Variants in ELP4 observed in about 807,000 individuals in gnomAD.
ELP4 encodes elongator acetyltransferase complex subunit 4.
A neutral mutation model predicts 48.9 loss-of-function variants in ELP4; 51 were observed. The ratio of observed to expected loss-of-function variants is 1.04; its 90% CI spans 0.83 to 1.32. The LOEUF (loss-of-function observed/expected upper bound fraction) is 1.32, where lower values mean the gene tolerates loss of function less well. Ranked by LOEUF, ELP4 falls within the 40% of genes most tolerant of loss-of-function variation. ELP4 has a pLI of 0.00. For missense variants in ELP4, 519 were observed against 514.6 expected (o/e 1.01, Z -0.08); for synonymous variants, 210 against 189.2 (o/e 1.11, Z -0.90).
intron 7 of ELP4, chr11:31,647,465 T>C: frequency 3.7e-6 from 1 of 267,606 alleles, no homozygotes; most frequent in East Asian, 8.0e-5. Context: ...CAATTTATGT[T>C]CTCTATCAGA....
chr11:31,685,220 G>T (rs1483142100), intron 9 of ELP4, among the ~76,000 whole-genome samples: 1 of 151,914 alleles, frequency 6.6e-6, no homozygotes, highest in Non-Finnish European at 1.5e-5. Flanking sequence ...GCGTGGTAGT[G>T]GGCGCCTGTA....
intron 3 of ELP4, among the ~76,000 whole-genome samples, chr11:31,541,689 A>C (rs1255533946): frequency 1.3e-5 from 2 of 152,240 alleles, no homozygotes; most frequent in Admixed American, 6.5e-5. Flanking sequence ...TTTGCTTTAG[A>C]GAACACATTA....
At chr11:31,702,262 C>T (rs947425010) in intron 9 of ELP4, among the ~76,000 whole-genome samples, 1 of 151,890 alleles carries the variant, frequency 6.6e-6, no homozygotes, top group African/African-American at 2.4e-5. Flanking sequence ...GTAATTGGGC[C>T]ACTGCACTCC....
intron 1 of ELP4, among the ~76,000 whole-genome samples, chr11:31,519,002 A>G (rs1956166408): frequency 6.6e-6 from 1 of 151,954 alleles, no homozygotes; most frequent in Admixed American, 6.6e-5. Flanking sequence ...TTTAGTACAG[A>G]CAGGGTTTCA....
intron 3 of ELP4, among the ~76,000 whole-genome samples, chr11:31,574,447 G>C (rs931023258): frequency 1.3e-5 from 2 of 152,198 alleles, no homozygotes; most frequent in African/African-American, 4.8e-5. Flanking sequence ...CGTTCTCCCA[G>C]CATAGAGTTT....
At chr11:31,777,088 A>G (rs1384504296) in intron 9 of ELP4, among the ~76,000 whole-genome samples, 1 of 152,174 alleles carries the variant, frequency 6.6e-6, no homozygotes, top group Non-Finnish European at 1.5e-5. Flanking sequence ...ACAATATAAT[A>G]TTACATTGTA....
chr11:31,563,564 G>T (rs1313409198), intron 3 of ELP4, among the ~76,000 whole-genome samples: 1 of 152,050 alleles, frequency 6.6e-6, no homozygotes, highest in Non-Finnish European at 1.5e-5. Context: ...TTTTATATGG[G>T]AATTTTATAA....
At chr11:31,617,309 A>T (rs1444749872) in intron 5 of ELP4, among the ~76,000 whole-genome samples, 1 of 152,168 alleles carries the variant, frequency 6.6e-6, no homozygotes, top group Admixed American at 6.6e-5. Flanking sequence ...TTGACATTGT[A>T]CTAAGTGAAA....
chr11:31,769,690 T>C (rs1385295902), intron 9 of ELP4, among the ~76,000 whole-genome samples: 1 of 152,166 alleles, frequency 6.6e-6, no homozygotes, highest in Non-Finnish European at 1.5e-5. Flanking sequence ...GCTTTCAGAT[T>C]ATAGTAAGAA....
At chr11:31,643,525 A>G (rs1945141746) in intron 7 of ELP4, among the ~76,000 whole-genome samples, 1 of 151,862 alleles carries the variant, frequency 6.6e-6, no homozygotes, top group Non-Finnish European at 1.5e-5. Flanking sequence ...ATAAGGAAAT[A>G]TTGAGGGTTT....
At chr11:31,517,573 T>A (rs1466458229) in intron 1 of ELP4, among the ~76,000 whole-genome samples, 1 of 152,154 alleles carries the variant, frequency 6.6e-6, no homozygotes, top group Non-Finnish European at 1.5e-5. Context: ...CAGATTTGTA[T>A]ACAAAAAACA....
At chr11:31,547,234 G>A (rs374041585) in intron 3 of ELP4, among the ~76,000 whole-genome samples, 28 of 152,014 alleles carry the variant, frequency 1.8e-4, no homozygotes, top group Middle Eastern at 3.2e-3. Context: ...TTGATAGACT[G>A]CTAGCAAGAC....
intron 7 of ELP4, among the ~76,000 whole-genome samples, chr11:31,639,754 G>A (rs1472253748): frequency 6.6e-6 from 1 of 151,738 alleles, no homozygotes; most frequent in Non-Finnish European, 1.5e-5. Context: ...AGAGAAGTAC[G>A]ATTCAGAAAC....
rs745522128 is a variant in ELP4, at chr11:31,603,885, T to C, written c.631T>C (p.Ser211Pro). 1.2e-6 allele frequency: 2 copies of C among 1,611,688 alleles called. No individual in the cohort carries two copies. Among genetic ancestry groups the C allele is most frequent in the Admixed American group, 3.3e-5 (2 of 59,930 alleles). ...HGFFLPEKIS[S>P]TLKVEPCSLT... Reference sequence around the variant, plus strand: ...ATTTTTTCTTCCAGAGAAAATATCTTCAACTCTCAAAGTAGAACCCTGGTA... The same window carrying C: ...ATTTTTTCTTCCAGAGAAAATATCTCCAACTCTCAAAGTAGAACCCTGGTA... The change falls in exon 5 of 10, where the codon TCA becomes CCA. Residue 211 changes from serine to proline, a missense_variant. Transcript: ENST00000640961.
intron 9 of ELP4, among the ~76,000 whole-genome samples, chr11:31,750,316 A>G (rs1427234217): frequency 6.6e-6 from 1 of 152,180 alleles, no homozygotes; most frequent in Non-Finnish European, 1.5e-5. Flanking sequence ...CATAGCTCTC[A>G]AGAGTTGTGG....
intron 2 of ELP4, among the ~76,000 whole-genome samples, chr11:31,537,678 G>T (rs1048488220): frequency 6.6e-6 from 1 of 152,040 alleles, no homozygotes; most frequent in Non-Finnish European, 1.5e-5. Flanking sequence ...GTGGGGAGGT[G>T]CTACACACTT....
chr11:31,607,845 C>G (rs16922313), intron 5 of ELP4, among the ~76,000 whole-genome samples: 1 of 152,034 alleles, frequency 6.6e-6, no homozygotes, highest in Non-Finnish European at 1.5e-5. Flanking sequence ...CTGTGAGAAC[C>G]GCTCGGTCTT....
chr11:31,586,126 C>A (rs957017081), intron 3 of ELP4, among the ~76,000 whole-genome samples: 1 of 152,144 alleles, frequency 6.6e-6, no homozygotes, highest in Admixed American at 6.6e-5. Context: ...AGGTATAGAA[C>A]ACCTTCAACA....
chr11:31,522,137 G>T (rs1198667602), intron 2 of ELP4, among the ~76,000 whole-genome samples: 1 of 152,122 alleles, frequency 6.6e-6, no homozygotes, highest in Non-Finnish European at 1.5e-5. Flanking sequence ...AACATTACAT[G>T]TAAGAGAGAA....
Sources: allele counts gnomAD v4.1 joint callset (sites outside exome capture counted in the v4.1 genomes callset), GRCh38; gene constraint gnomAD v4.1.1; transcripts MANE v1.5; gene names NCBI Gene and HGNC (gene_info 2026-07-23, HGNC 2026-07-21).